Variants in UGT1A7 observed in about 807,000 individuals in gnomAD.
UGT1A7 encodes the protein UDP-glucuronosyltransferase 1A7.
In UGT1A7, 33 loss-of-function variants were observed where a neutral mutation model predicts 45.6. The observed-to-expected ratio is 0.72, with a 90% confidence interval of 0.55 to 0.97. UGT1A7 has a LOEUF of 0.97. UGT1A7 is among the 50% of genes least tolerant of loss of function. The probability of loss-of-function intolerance (pLI) is 0.00; values close to 1 mark genes in which losing one functional copy is unlikely to be tolerated. For synonymous variants in UGT1A7, 274 were observed against 250.6 expected, an observed-to-expected ratio of 1.09 and a Z score of -0.88; for missense variants, 684 against 666.2, an observed-to-expected ratio of 1.03 and a Z score of -0.29.
At chr2:233,689,698 T>C (rs894991640) in intron 1 of UGT1A7, among the ~76,000 whole-genome samples, 55 of 152,202 alleles carry the variant, frequency 3.6e-4, no homozygotes, top group African/African-American at 1.3e-3. Flanking sequence ...TCAGTCGTTA[T>C]TTCCCCTTAT....
At chr2:233,753,907 C>G (rs1487385981) in intron 1 of UGT1A7, among the ~76,000 whole-genome samples, 1 of 152,188 alleles carries the variant, frequency 6.6e-6, no homozygotes, top group South Asian at 2.1e-4. Context: ...GCTTCTTACA[C>G]CGATTTCAGC....
chr2:233,727,225 C>T (rs1417750017), intron 1 of UGT1A7, among the ~76,000 whole-genome samples: 8 of 152,168 alleles, frequency 5.3e-5, no homozygotes, highest in South Asian at 4.1e-4. Context: ...TCCACATATG[C>T]GGATGGCTCC....
At chr2:233,751,023 A>T (rs193102367) in intron 1 of UGT1A7, among the ~76,000 whole-genome samples, 1 of 151,978 alleles carries the variant, frequency 6.6e-6, no homozygotes, top group East Asian at 1.9e-4. Flanking sequence ...TAGTAGATCC[A>T]ATAGCTTGCA....
At chr2:233,696,345 ACTTC>A (rs201944530) in intron 1 of UGT1A7, among the ~76,000 whole-genome samples, 53 of 152,076 alleles carry the variant, frequency 3.5e-4, no homozygotes, top group Non-Finnish European at 6.9e-4. Context: ...CAGATCTTTC[ACTTC>A]CTTCCTTAAA....
At chr2:233,714,345 G>A (rs2076380824) in intron 1 of UGT1A7, among the ~76,000 whole-genome samples, 1 of 152,206 alleles carries the variant, frequency 6.6e-6, no homozygotes, top group Non-Finnish European at 1.5e-5. Flanking sequence ...CTCAGAGGAA[G>A]TAGAGGTTTC....
intron 1 of UGT1A7, chr2:233,692,991 T>C (rs2075125373): frequency 6.2e-7 from 1 of 1,613,950 alleles, no homozygotes; most frequent in Non-Finnish European, 8.5e-7. Flanking sequence ...GTTGTTACTT[T>C]AACTCTTTCC....
rs2013021 is a variant in UGT1A7 at position 233,712,440 on chromosome 2, C to A, written c.855+29648C>A. ...ACAAGAAATATCCTGGTGTGAAAAA[C>A]GACCAAAACCAGATAGCCAGCCTCC... On this transcript the variant is annotated intron_variant, in intron 1 of 4. Coordinates refer to ENST00000373426, the MANE Select transcript of UGT1A7 (RefSeq NM_019077.3). 3.9e-5 allele frequency among the ~76,000 whole-genome samples: 6 copies of A among 152,200 alleles called. No individual in the cohort carries two copies. In the East Asian group the frequency reaches 9.7e-4, roughly 25 times the overall value.
chr2:233,714,063 G>A (rs2076363404), intron 1 of UGT1A7, among the ~76,000 whole-genome samples: 1 of 152,154 alleles, frequency 6.6e-6, no homozygotes, highest in Admixed American at 6.5e-5. Flanking sequence ...TGAGAGGAAG[G>A]AGAGGCAGGG....
In UGT1A7 at chr2:233,769,373, C is replaced by T. The variant is rs1030548501; in HGVS notation, c.1295+934C>T. On this transcript the variant is annotated intron_variant, in intron 4 of 4. Coordinates refer to ENST00000373426, the MANE Select transcript of UGT1A7 (RefSeq NM_019077.3). The surrounding 1 kb of genome is among the most constrained non-coding windows in gnomAD (Gnocchi z 4.4). The stretch of plus-strand genomic sequence containing the variant: ...AGAAGTGGTGGCCAGTGGTAGATTT[C>T]ATCCGACAATAGATACTGTGTGCAT... Among the ~76,000 whole-genome samples, 1 of 152,206 alleles carries T rather than the reference C, an allele frequency of 6.6e-6. No individual in the cohort carries two copies. The highest frequency in any genetic ancestry group is 2.4e-5 in the African/African-American group (1 of 41,452).
At chr2:233,697,794 A>G (rs1220418107) in intron 1 of UGT1A7, among the ~76,000 whole-genome samples, 2 of 152,112 alleles carry the variant, frequency 1.3e-5, no homozygotes, top group Non-Finnish European at 2.9e-5. Flanking sequence ...CGTTTCAAGT[A>G]ATTTTTAAAT....
At chr2:233,729,642 T>C (rs1273465947) in intron 1 of UGT1A7, 5 of 1,613,940 alleles carry the variant, frequency 3.1e-6, no homozygotes, top group South Asian at 2.2e-5. Context: ...CTGTGTTTTT[T>C]TTGAGGAACA....
intron 1 of UGT1A7, among the ~76,000 whole-genome samples, chr2:233,723,457 G>T (rs1279798549): frequency 7.3e-6 from 1 of 136,216 alleles, no homozygotes; most frequent in African/African-American, 2.9e-5. Flanking sequence ...TGATCCACCC[G>T]CCTCAGCCTC....
At chr2:233,687,080 T>A (rs1476321317) in intron 1 of UGT1A7, among the ~76,000 whole-genome samples, 1 of 152,208 alleles carries the variant, frequency 6.6e-6, no homozygotes, top group African/African-American at 2.4e-5. Context: ...ATTTCATAAG[T>A]ACTTCAGCTG....
intron 1 of UGT1A7, chr2:233,755,092 ACGC>A (rs1418876721): frequency 2.2e-6 from 3 of 1,335,040 alleles, no homozygotes; most frequent in Non-Finnish European, 3.0e-6. Flanking sequence ...TCGCGTTTCT[ACGC>A]GTCCGACAAC....
chr2:233,688,606 C>G (rs1414211469), intron 1 of UGT1A7, among the ~76,000 whole-genome samples: 3 of 152,254 alleles, frequency 2.0e-5, no homozygotes, highest in South Asian at 4.1e-4. Flanking sequence ...CAGAATAACA[C>G]CCTCAGCAAA....
chr2:233,728,830 A>G (rs2077754446), intron 1 of UGT1A7, among the ~76,000 whole-genome samples: 1 of 152,224 alleles, frequency 6.6e-6, no homozygotes. Context: ...GGGTGTTCAC[A>G]GCCTTGTGTT....
intron 1 of UGT1A7, among the ~76,000 whole-genome samples, chr2:233,706,821 G>A (rs982521215): frequency 9.2e-5 from 14 of 152,128 alleles, no homozygotes; most frequent in Non-Finnish European, 1.8e-4. Context: ...CCAATCCCAG[G>A]GCAGGACTCT....
At chr2:233,770,387 C>CT (rs1226328342) in intron 4 of UGT1A7, 1 of 152,208 alleles carries the variant, frequency 6.6e-6, no homozygotes, top group Non-Finnish European at 1.5e-5. Flanking sequence ...GGTACGGTGG[C>CT]TCATGCCTGT....
At chr2:233,716,242 C>G (rs116835228) in intron 1 of UGT1A7, among the ~76,000 whole-genome samples, 2 of 152,158 alleles carry the variant, frequency 1.3e-5, no homozygotes, top group Non-Finnish European at 2.9e-5. Flanking sequence ...TTGTCCTGCC[C>G]GGACATCCAG....
Sources: allele counts gnomAD v4.1 joint callset (sites outside exome capture counted in the v4.1 genomes callset), GRCh38; gene constraint gnomAD v4.1.1; non-coding constraint Gnocchi (gnomAD v3.1); transcripts MANE v1.5; gene names NCBI Gene and HGNC (gene_info 2026-07-23, HGNC 2026-07-21).